Variants in SGK3 observed in about 807,000 individuals in gnomAD.
SGK3 encodes serine/threonine-protein kinase Sgk3.
SGK3 carries 47 observed loss-of-function variants against 68.5 expected under a neutral mutation model. The observed-to-expected ratio is 0.69, with a 90% CI of 0.54 to 0.87. SGK3 has a LOEUF of 0.87. Ranked by LOEUF, SGK3 falls within the 40% of genes least tolerant of loss-of-function variation. The pLI is 0.00. For synonymous variants in SGK3, 181 were observed against 189.1 expected (o/e 0.96, Z 0.35); for missense variants, 479 against 575.5 (o/e 0.83, Z 1.72).
At chr8:66,735,075 T>A (rs1805280602) in intron 1 of SGK3, among the ~76,000 whole-genome samples, 1 of 152,254 alleles carries the variant, frequency 6.6e-6, no homozygotes, top group South Asian at 2.1e-4. Context: ...AATCTTTTAC[T>A]GTGCCAGATT....
chr8:66,728,057 C>T (rs1380082599), intron 1 of SGK3, among the ~76,000 whole-genome samples: 2 of 152,132 alleles, frequency 1.3e-5, no homozygotes, highest in Non-Finnish European at 2.9e-5. Context: ...GGTTTAGTCA[C>T]AGAGCTATGC....
intron 7 of SGK3, 30 bp from the exon 8 acceptor site, chr8:66,831,224 A>C (rs1372014097): frequency 1.2e-6 from 2 of 1,607,830 alleles, no homozygotes; most frequent in Non-Finnish European, 1.7e-6. Context: ...AATTTCTAGG[A>C]GGCTAATTCT....
intron 5 of SGK3, among the ~76,000 whole-genome samples, chr8:66,817,391 A>G (rs566178732): frequency 6.6e-5 from 10 of 151,168 alleles, no homozygotes; most frequent in Non-Finnish European, 1.2e-4. Context: ...AGATCGTGCC[A>G]CTGCACTCCA....
chr8:66,752,915 C>T (rs1182255910), intron 1 of SGK3, among the ~76,000 whole-genome samples: 3 of 152,016 alleles, frequency 2.0e-5, no homozygotes, highest in African/African-American at 4.8e-5. Context: ...GTGGCATGAT[C>T]ATGGCTCACT....
chr8:66,725,812 T>C (rs1042923170), intron 1 of SGK3, among the ~76,000 whole-genome samples: 1 of 152,142 alleles, frequency 6.6e-6, no homozygotes, highest in Non-Finnish European at 1.5e-5. Context: ...CCTTAAATTA[T>C]TGCTGGCTTA....
In SGK3 at chr8:66,860,860, G is replaced by A. The variant is rs1810724090; in HGVS notation, c.*1279G>A. ...GTAAAATAATAGGCCAGGCATGGTG[G>A]CTCATGCCTATAAGCACCCTGGGAG... On this transcript the variant is annotated 3_prime_UTR_variant, in exon 17 of 17. Coordinates refer to ENST00000521198, the MANE Select transcript of SGK3 (RefSeq NM_001033578.3). 6.6e-6 allele frequency: 1 copy of A among 152,132 alleles called. No homozygotes were observed. Among genetic ancestry groups the A allele is most frequent in the African/African-American group, 2.4e-5 (1 of 41,422 alleles). 9.4% of individuals were successfully genotyped at this position (152,132 alleles called of 1,614,324 possible).
intron 1 of SGK3, among the ~76,000 whole-genome samples, chr8:66,736,941 T>A (rs937238280): frequency 7.2e-5 from 11 of 151,938 alleles, no homozygotes; most frequent in African/African-American, 2.2e-4. Flanking sequence ...TTTTAAAAAA[T>A]TTTTAAAAAA....
intron 10 of SGK3, 77 bp from the exon 11 acceptor site, chr8:66,839,926 C>T (rs16933071): frequency 0.032 from 42,226 of 1,311,856 alleles, 796 homozygotes; most frequent in Admixed American, 0.057. Context: ...TTGTATTTAC[C>T]GAATATATTT....
chr8:66,802,793 A>G (rs1808000813), intron 3 of SGK3, among the ~76,000 whole-genome samples: 1 of 152,056 alleles, frequency 6.6e-6, no homozygotes, highest in Non-Finnish European at 1.5e-5. Flanking sequence ...TATCAAACAC[A>G]TACAGAAGTG....
chr8:66,805,237 A>C (rs754199408), intron 4 of SGK3, among the ~76,000 whole-genome samples: 6 of 151,304 alleles, frequency 4.0e-5, no homozygotes, highest in Non-Finnish European at 7.4e-5. Context: ...AAGATATCCT[A>C]AGCCGGGCAC....
At chr8:66,847,107 T>C in intron 14 of SGK3, 86 bp from the exon 15 acceptor site, 2 of 1,536,196 alleles carry the variant, frequency 1.3e-6, no homozygotes, top group East Asian at 2.3e-5. Flanking sequence ...TTCAACTGAC[T>C]GCTCCCTCAA....
chr8:66,850,718 TA>T (rs1810247226), intron 15 of SGK3, 112 bp from the exon 16 acceptor site: 2 of 961,992 alleles, frequency 2.1e-6, no homozygotes, highest in Non-Finnish European at 3.1e-6. Context: ...CACATGTTCC[TA>T]AAAAGAGTTA....
intron 1 of SGK3, among the ~76,000 whole-genome samples, chr8:66,764,240 T>G (rs1387197122): frequency 6.6e-6 from 1 of 152,198 alleles, no homozygotes; most frequent in Non-Finnish European, 1.5e-5. Flanking sequence ...TTTTATAATT[T>G]TTTTTTTACA....
chr8:66,841,247 CTGATAATCATGCCT>C (rs1323093735), intron 13 of SGK3, 137 bp downstream of exon 13: 1 of 638,714 alleles, frequency 1.6e-6, no homozygotes, highest in Non-Finnish European at 2.4e-6. Context: ...CTGGAAATAC[CTGATAATCATGCCT>C]TGATAGTTGG....
At chr8:66,831,219 C>G in intron 7 of SGK3, 35 bp from the exon 8 acceptor site, 1 of 1,607,220 alleles carries the variant, frequency 6.2e-7, no homozygotes, top group Non-Finnish European at 8.5e-7. Context: ...TTTCCAATTT[C>G]TAGGAGGCTA....
intron 4 of SGK3, among the ~76,000 whole-genome samples, chr8:66,807,830 C>G (rs1040195147): frequency 6.6e-6 from 1 of 152,138 alleles, no homozygotes; most frequent in African/African-American, 2.4e-5. Flanking sequence ...ACACACAAGA[C>G]TGTGTATTGT....
Position 66,859,874 on chromosome 8 carries a change from T to A in SGK3, c.*293T>A. 4.4e-6 allele frequency: 1 copy of A among 226,320 alleles called. No individual in the cohort carries two copies. The highest frequency in any genetic ancestry group is 8.7e-6 in the Non-Finnish European group (1 of 115,316). The allele number at this position is 226,320 out of a possible 1,614,324, so 14.0% of individuals were successfully genotyped here. A position where few individuals can be genotyped will look rare whatever the true frequency, so the allele number is the denominator to read the frequency against. On this transcript the variant is annotated 3_prime_UTR_variant, in exon 17 of 17. Transcript: ENST00000521198. ...AGAAACCTTTTTTGCTATTGACTGT[T>A]TTTTCCCTCTAAGTTTACACTAACA...
At chr8:66,744,528 T>TGTTTG (rs1430333048) in intron 1 of SGK3, among the ~76,000 whole-genome samples, 1 of 114,164 alleles carries the variant, frequency 8.8e-6, no homozygotes, top group African/African-American at 3.3e-5. Flanking sequence ...TATTTTTTTT[T>TGTTTG]TTTTTTTTTT....
rs35415180 is a variant in SGK3 at position 66,800,379 on chromosome 8, C to CTTTT, written c.180+1770_180+1773dup. ...TGGCGGGGGGGGAGTTTTTTCATTTCTTTTTTTTTTTTTTTTTTTATTATA... is the reference window on the plus strand; with the variant it reads ...TGGCGGGGGGGGAGTTTTTTCATTTCTTTTTTTTTTTTTTTTTTTTTTTATTATA... On this transcript the variant is annotated intron_variant, in intron 3 of 16. Transcript: ENST00000521198. 6.3e-3 allele frequency among the ~76,000 whole-genome samples: 646 copies of CTTTT among 102,262 alleles called. 1 individual carries two copies. The highest frequency in any genetic ancestry group is 0.021 in the African/African-American group (587 of 27,654). 67.1% of individuals were successfully genotyped at this position (102,262 alleles called of 152,430 possible). A position where few individuals can be genotyped will look rare whatever the true frequency, so the allele number is the denominator to read the frequency against.
Sources: allele counts gnomAD v4.1 joint callset (sites outside exome capture counted in the v4.1 genomes callset), GRCh38; gene constraint gnomAD v4.1.1; transcripts MANE v1.5; gene names NCBI Gene and HGNC (gene_info 2026-07-23, HGNC 2026-07-21).